Variants in PKIB observed in about 807,000 individuals in gnomAD.
PKIB encodes PKI-beta.
PKIB carries 2 observed loss-of-function variants against 4.5 expected under a neutral mutation model. The observed-to-expected ratio is 0.44, with a 90% CI of 0.18 to 1.39. The LOEUF (loss-of-function observed/expected upper bound fraction) is 1.39, where lower values mean the gene tolerates loss of function less well. Among genes scored for constraint, PKIB ranks in the 40% most tolerant of loss-of-function variants. The pLI is 0.27. For missense variants in PKIB, 94 were observed against 92.6 expected, an observed-to-expected ratio of 1.02 and a Z score of -0.06; for synonymous variants, 38 against 36.0, an observed-to-expected ratio of 1.06 and a Z score of -0.20.
chr6:122,604,097 T>C (rs1347112720), intron 3 of PKIB, among the ~76,000 whole-genome samples: 1 of 152,202 alleles, frequency 6.6e-6, no homozygotes, highest in East Asian at 1.9e-4. Flanking sequence ...TGGTTAGGGT[T>C]AGCAATTCAT....
chr6:122,660,463 G>A (rs540530659), intron 2 of PKIB, among the ~76,000 whole-genome samples: 1 of 152,264 alleles, frequency 6.6e-6, no homozygotes, highest in Non-Finnish European at 1.5e-5. Context: ...CTTGGGATAT[G>A]TTGTTCTCTT....
At position 122,718,536 on chromosome 6, in the gene PKIB, T is replaced by TA. The variant is rs537310356; in HGVS notation, c.169+580dup. ...TCATTTAAAAACCCTCATGGAGATTTAAAAAAACAAAACAAAACCCTGAAT... is the reference window on the plus strand; with the variant it reads ...TCATTTAAAAACCCTCATGGAGATTTAAAAAAAACAAAACAAAACCCTGAAT... On this transcript the variant is annotated intron_variant, in intron 4 of 4. Coordinates refer to ENST00000368452, the MANE Select transcript of PKIB (RefSeq NM_181795.3). Among the ~76,000 whole-genome samples the TA allele has an allele frequency of 5.3e-5, 8 of 152,050 alleles. No individual in the cohort carries two copies. The East Asian group carries it at 5.8e-4, about 11-fold the overall frequency.
intron 2 of PKIB, among the ~76,000 whole-genome samples, chr6:122,561,230 T>C (rs894409021): frequency 4.6e-5 from 7 of 152,140 alleles, no homozygotes; most frequent in Middle Eastern, 3.4e-3. Context: ...GAGGTTTTGA[T>C]AGGTCGTGTC....
intron 1 of PKIB, among the ~76,000 whole-genome samples, chr6:122,615,478 T>C (rs1421154095): frequency 6.6e-6 from 1 of 152,162 alleles, no homozygotes; most frequent in Non-Finnish European, 1.5e-5. Flanking sequence ...ATTCTTGGCT[T>C]GAAGTGAGAG....
intron 2 of PKIB, among the ~76,000 whole-genome samples, chr6:122,542,349 A>G (rs1355352522): frequency 2.6e-5 from 4 of 151,988 alleles, no homozygotes; most frequent in Non-Finnish European, 5.9e-5. Flanking sequence ...GGTGACACAC[A>G]GAAGGGTTTT....
At chr6:122,700,669 CTTTG>C (rs1396969815) in intron 3 of PKIB, among the ~76,000 whole-genome samples, 1 of 152,186 alleles carries the variant, frequency 6.6e-6, no homozygotes, top group Non-Finnish European at 1.5e-5. Flanking sequence ...CTTTTTCCCT[CTTTG>C]TTTGTTTCTT....
At position 122,725,570 on chromosome 6, in the gene PKIB, CA is replaced by C. The variant is rs1779922653; in HGVS notation, c.*378del. ...CAAATCATTCTTGGTAAATGTAAAT[CA>C]AACATGATTGATTTAAAACTTCATG... On this transcript the variant is annotated 3_prime_UTR_variant, in exon 5 of 5. Transcript: ENST00000368452. 6.1e-6 allele frequency: 1 copy of C among 163,926 alleles called. No homozygotes were observed. The highest frequency in any genetic ancestry group is 2.0e-4 in the South Asian group (1 of 5,064). 10.2% of individuals were successfully genotyped at this position (163,926 alleles called of 1,614,324 possible).
chr6:122,588,739 CT>C (rs1370073775), intron 3 of PKIB, among the ~76,000 whole-genome samples: 5 of 151,970 alleles, frequency 3.3e-5, no homozygotes, highest in African/African-American at 9.7e-5. Context: ...TTATATATGC[CT>C]TGTATATTCT....
intron 2 of PKIB, among the ~76,000 whole-genome samples, chr6:122,648,824 G>A (rs1776428145): frequency 6.6e-6 from 1 of 152,156 alleles, no homozygotes; most frequent in Admixed American, 6.5e-5. Context: ...CCATATTGGG[G>A]ACTCAGTGTT....
At chr6:122,515,618 T>C (rs1340509392) in intron 2 of PKIB, among the ~76,000 whole-genome samples, 1 of 152,240 alleles carries the variant, frequency 6.6e-6, no homozygotes, top group Non-Finnish European at 1.5e-5. Flanking sequence ...CCCATGTACA[T>C]GAGTGCCTCT....
chr6:122,701,560 G>T, intron 3 of PKIB: 2 of 1,556,178 alleles, frequency 1.3e-6, no homozygotes, highest in Non-Finnish European at 8.7e-7. Context: ...AAAAGAGATG[G>T]CATAACAGTG....
intron 2 of PKIB, chr6:122,644,509 C>T (rs1383293565): frequency 1.3e-5 from 2 of 152,160 alleles, no homozygotes; most frequent in African/African-American, 4.8e-5. Flanking sequence ...CTTAATCTCT[C>T]TGTCTCTGTG....
chr6:122,702,732 G>A (rs999360348), intron 3 of PKIB, among the ~76,000 whole-genome samples: 1 of 152,084 alleles, frequency 6.6e-6, no homozygotes, highest in Non-Finnish European at 1.5e-5. Flanking sequence ...TGGGATCAGA[G>A]TATAAAGAAT....
chr6:122,540,612 A>G (rs1328479734), intron 2 of PKIB, among the ~76,000 whole-genome samples: 3 of 151,778 alleles, frequency 2.0e-5, no homozygotes, highest in African/African-American at 2.4e-5. Flanking sequence ...TATGTGGTCA[A>G]TTTTGGAATA....
At chr6:122,636,542 G>GT (rs1178109655) in intron 2 of PKIB, among the ~76,000 whole-genome samples, 1 of 152,046 alleles carries the variant, frequency 6.6e-6, no homozygotes, top group African/African-American at 2.4e-5. Context: ...ACAATTGGCT[G>GT]TTAAGTATGT....
chr6:122,608,054 C>T (rs948985079), upstream of PKIB, among the ~76,000 whole-genome samples: 5 of 152,158 alleles, frequency 3.3e-5, no homozygotes, highest in African/African-American at 7.2e-5. Flanking sequence ...TCTTGATCTT[C>T]GTTCTACGTC....
intron 3 of PKIB, among the ~76,000 whole-genome samples, chr6:122,596,767 T>G (rs1193107319): frequency 6.6e-6 from 1 of 152,222 alleles, no homozygotes; most frequent in Non-Finnish European, 1.5e-5. Context: ...TAGTTGCCAC[T>G]GACACCTCAA....
chr6:122,506,647 C>T (rs889473465), intron 2 of PKIB, among the ~76,000 whole-genome samples: 9 of 150,050 alleles, frequency 6.0e-5, no homozygotes, highest in Non-Finnish European at 8.9e-5. Context: ...CAATTAATGA[C>T]GATTTTATAG....
intron 3 of PKIB, among the ~76,000 whole-genome samples, chr6:122,706,147 G>A (rs1779046987): frequency 6.6e-6 from 1 of 152,002 alleles, no homozygotes. Context: ...CTACCTGTGT[G>A]GATTCCTCCC....
Sources: allele counts gnomAD v4.1 joint callset (sites outside exome capture counted in the v4.1 genomes callset), GRCh38; gene constraint gnomAD v4.1.1; transcripts MANE v1.5; gene names NCBI Gene and HGNC (gene_info 2026-07-23, HGNC 2026-07-21).